LRBA: variants seen among roughly 807,000 people sequenced by gnomAD.
LRBA encodes lipopolysaccharide-responsive and beige-like anchor protein.
Under a neutral mutation model 330.0 loss-of-function variants are expected in LRBA, and 176 were observed. The ratio of observed to expected loss-of-function variants is 0.53; its 90% CI spans 0.47 to 0.60. The LOEUF (loss-of-function observed/expected upper bound fraction) is 0.60. LRBA is among the 20% of genes least tolerant of loss of function. The pLI, the probability that LRBA is intolerant of heterozygous loss-of-function variation, is 0.00. For synonymous variants in LRBA, 1,230 were observed against 1,193.0 expected, an observed-to-expected ratio of 1.03 and a Z score of -0.64; for missense variants, 3,259 against 3,444.8, an observed-to-expected ratio of 0.95 and a Z score of 1.35.
At chr4:150,325,701 A>C in intron 49 of LRBA, 108 bp downstream of exon 49, 2 of 748,454 alleles carry the variant, frequency 2.7e-6, no homozygotes, top group Non-Finnish European at 4.6e-6. Flanking sequence ...GCATAAAAAA[A>C]CAAACCCACA....
intron 44 of LRBA, among the ~76,000 whole-genome samples, chr4:150,438,197 C>G (rs965485761): frequency 6.6e-6 from 1 of 152,170 alleles, no homozygotes; most frequent in African/African-American, 2.4e-5. Context: ...TCATAAGATA[C>G]AGAGGCCAGG....
chr4:150,703,867 GA>G lies in LRBA; in HGVS notation c.5755-20151del, dbSNP rs550403572. 4.3e-3 allele frequency among the ~76,000 whole-genome samples: 638 copies of G among 149,806 alleles called. 4 individuals carry two copies. The highest frequency in any genetic ancestry group is 0.015 in the African/African-American group (617 of 40,686). The stretch of plus-strand genomic sequence containing the variant: ...AGTCCATTAGCCCAAAAAAAAAAAA[GA>G]ACTATTAACTCAAAATATAAAGAAC... On this transcript the variant is annotated intron_variant, in intron 36 of 56. Coordinates refer to ENST00000651943, the MANE Select transcript of LRBA (RefSeq NM_001364905.1).
At chr4:150,485,546 A>G (rs1435804315) in intron 42 of LRBA, among the ~76,000 whole-genome samples, 1 of 151,918 alleles carries the variant, frequency 6.6e-6, no homozygotes, top group African/African-American at 2.4e-5. Flanking sequence ...GTGTCTTTGT[A>G]AAAGAGGGAA....
intron 16 of LRBA, among the ~76,000 whole-genome samples, chr4:150,894,662 T>C (rs867984013): frequency 2.0e-5 from 3 of 152,210 alleles, no homozygotes; most frequent in Non-Finnish European, 2.9e-5. Context: ...TACCGAATTT[T>C]CATTAAGTTA....
intron 17 of LRBA, among the ~76,000 whole-genome samples, chr4:150,876,890 C>T (rs922284270): frequency 2.0e-5 from 3 of 152,094 alleles, no homozygotes; most frequent in African/African-American, 4.8e-5. Context: ...GGTCTAAATG[C>T]CCCCACTCAA....
At chr4:150,319,051 A>T (rs2126915505) in intron 50 of LRBA, among the ~76,000 whole-genome samples, 1 of 152,302 alleles carries the variant, frequency 6.6e-6, no homozygotes, top group East Asian at 1.9e-4. Flanking sequence ...GTAGTGAGGG[A>T]CACCAGCTTG....
At chr4:150,604,226 T>C (rs151229020) in intron 37 of LRBA, among the ~76,000 whole-genome samples, 63 of 151,626 alleles carry the variant, frequency 4.2e-4, no homozygotes, top group Admixed American at 3.6e-3. Context: ...CTGGGCAACA[T>C]AGCAAGACCC....
chr4:150,941,956 T>C (rs1220517956), intron 2 of LRBA, among the ~76,000 whole-genome samples: 1 of 152,170 alleles, frequency 6.6e-6, no homozygotes, highest in Admixed American at 6.5e-5. Context: ...CAGTAAAGTG[T>C]TTTTCTTGCA....
chr4:150,855,538 T>C (rs1358313323), intron 22 of LRBA, among the ~76,000 whole-genome samples: 1 of 152,170 alleles, frequency 6.6e-6, no homozygotes, highest in Non-Finnish European at 1.5e-5. Flanking sequence ...GTAATTTATA[T>C]GTACAGGTTA....
intron 2 of LRBA, among the ~76,000 whole-genome samples, chr4:150,940,360 C>T (rs1271975638): frequency 6.6e-6 from 1 of 152,150 alleles, no homozygotes. Flanking sequence ...TATGATCATG[C>T]CACAGCACCC....
chr4:150,529,837 A>G (rs1763875104), intron 40 of LRBA, among the ~76,000 whole-genome samples: 1 of 152,246 alleles, frequency 6.6e-6, no homozygotes, highest in African/African-American at 2.4e-5. Context: ...CAAATAAAGT[A>G]GAGAGAATAT....
chr4:150,836,691 C>T (rs1387816697), intron 28 of LRBA, among the ~76,000 whole-genome samples: 1 of 152,080 alleles, frequency 6.6e-6, no homozygotes, highest in Non-Finnish European at 1.5e-5. Context: ...CTCTTTTCTT[C>T]TTTATTAGTC....
chr4:150,410,700 T>C (rs547602646), intron 47 of LRBA, among the ~76,000 whole-genome samples: 54 of 151,798 alleles, frequency 3.6e-4, no homozygotes, highest in Non-Finnish European at 6.5e-4. Context: ...TCGAATCTAA[T>C]AGTGCTGGTC....
At chr4:150,759,586 T>C (rs1734789839) in intron 35 of LRBA, among the ~76,000 whole-genome samples, 1 of 152,168 alleles carries the variant, frequency 6.6e-6, no homozygotes, top group Non-Finnish European at 1.5e-5. Context: ...CCAACCTTTT[T>C]TACTTCCTTC....
intron 47 of LRBA, among the ~76,000 whole-genome samples, chr4:150,401,997 T>C (rs964149333): frequency 1.3e-5 from 2 of 151,404 alleles, no homozygotes; most frequent in Non-Finnish European, 2.9e-5. Flanking sequence ...CTGAGAAAAG[T>C]GTATAAGAAT....
chr4:151,007,633 G>A (rs554903000), intron 2 of LRBA, among the ~76,000 whole-genome samples: 11 of 151,910 alleles, frequency 7.2e-5, no homozygotes, highest in African/African-American at 2.4e-4. Context: ...CGAGATAGGC[G>A]GATCACGAGG....
intron 17 of LRBA, among the ~76,000 whole-genome samples, chr4:150,878,750 A>G (rs1728034683): frequency 6.6e-6 from 1 of 152,162 alleles, no homozygotes; most frequent in African/African-American, 2.4e-5. Context: ...GGAAATGGAT[A>G]AATTCATAGA....
intron 31 of LRBA, among the ~76,000 whole-genome samples, chr4:150,809,697 T>C (rs1440918751): frequency 1.3e-5 from 2 of 152,050 alleles, no homozygotes; most frequent in Admixed American, 6.6e-5. Context: ...CTACTAAAAA[T>C]ACAACAAAGT....
chr4:150,594,509 C>T (rs1282897884), intron 38 of LRBA, among the ~76,000 whole-genome samples: 1 of 151,994 alleles, frequency 6.6e-6, no homozygotes, highest in Non-Finnish European at 1.5e-5. Context: ...TCAGAATATA[C>T]TTTGGGTTCC....
Sources: gnomAD v4.1 joint callset for allele counts (sites outside exome capture counted in the v4.1 genomes callset) on GRCh38, gnomAD v4.1.1 for gene constraint, MANE v1.5 for transcripts, NCBI Gene and HGNC (gene_info 2026-07-23, HGNC 2026-07-21) for gene names.